Variants in CAMTA1 observed in about 807,000 individuals in gnomAD.
The protein encoded by CAMTA1 is calmodulin-binding transcription activator 1.
In CAMTA1, 27 loss-of-function variants were observed where a neutral mutation model predicts 170.9. That is an observed-to-expected ratio of 0.16 (90% confidence interval 0.12 to 0.22). CAMTA1 has a LOEUF of 0.22. Among genes scored for constraint, CAMTA1 ranks in the 10% least tolerant of loss-of-function variants. The probability of loss-of-function intolerance (pLI) is 1.00; values close to 1 mark genes in which losing one functional copy is unlikely to be tolerated. For synonymous variants in CAMTA1, 833 were observed against 891.5 expected, an observed-to-expected ratio of 0.93 and a Z score of 1.17; for missense variants, 1,619 against 2,217.2, an observed-to-expected ratio of 0.73 and a Z score of 5.42.
At chr1:7,235,183 A>G (rs1663587982) in intron 4 of CAMTA1, among the ~76,000 whole-genome samples, 1 of 152,012 alleles carries the variant, frequency 6.6e-6, no homozygotes, top group Non-Finnish European at 1.5e-5. Flanking sequence ...GCCCTTAGAG[A>G]TGGAATCTAG....
rs565101815 is a variant in CAMTA1 at position 7,213,606 on chromosome 1, A to T, written c.303-35885A>T. Reference sequence around the variant, plus strand: ...AGCAAATATTTTTTTTCTTTTTTTTAAATTTCTTTTTTTTATTATACTTTA... The same window carrying T: ...AGCAAATATTTTTTTTCTTTTTTTTTAATTTCTTTTTTTTATTATACTTTA... On this transcript the variant is annotated intron_variant, in intron 4 of 22. Coordinates refer to ENST00000303635, the MANE Select transcript of CAMTA1 (RefSeq NM_015215.4). Among the ~76,000 whole-genome samples, 17 of 84,362 alleles carry T rather than the reference A, an allele frequency of 2.0e-4. No homozygotes were observed. In the East Asian group the frequency reaches 2.6e-3, roughly 13 times the overall value. The allele number at this position is 84,362 out of a possible 152,430, so 55.3% of individuals were successfully genotyped here.
At chr1:6,810,384 A>C (rs1423003648) in intron 1 of CAMTA1, among the ~76,000 whole-genome samples, 1 of 152,238 alleles carries the variant, frequency 6.6e-6, no homozygotes, top group Admixed American at 6.5e-5. Flanking sequence ...AGCTTGCTTC[A>C]TCAGAGCCAG....
At chr1:7,437,119 G>T (rs969133352) in intron 5 of CAMTA1, among the ~76,000 whole-genome samples, 1 of 152,108 alleles carries the variant, frequency 6.6e-6, no homozygotes, top group Non-Finnish European at 1.5e-5. Flanking sequence ...AGAGGAGGGA[G>T]GCCCAGCAGA....
intron 5 of CAMTA1, among the ~76,000 whole-genome samples, chr1:7,309,739 C>T (rs1470637489): frequency 6.6e-6 from 1 of 151,650 alleles, no homozygotes; most frequent in African/African-American, 2.4e-5. Flanking sequence ...TTAATGGTTG[C>T]TCTATGGGTT....
chr1:7,514,573 G>A (rs542670714), intron 6 of CAMTA1, among the ~76,000 whole-genome samples: 8 of 152,244 alleles, frequency 5.3e-5, no homozygotes, highest in African/African-American at 1.9e-4. Flanking sequence ...AAGGAGAAAA[G>A]AGAGATCCTT....
chr1:7,155,086 A>G (rs1646786005), intron 4 of CAMTA1, among the ~76,000 whole-genome samples: 1 of 152,156 alleles, frequency 6.6e-6, no homozygotes, highest in African/African-American at 2.4e-5. Flanking sequence ...CATCAGTGCC[A>G]GTGAGTGAGA....
intron 5 of CAMTA1, among the ~76,000 whole-genome samples, chr1:7,417,898 C>G (rs2091299870): frequency 6.6e-6 from 1 of 152,152 alleles, no homozygotes; most frequent in Non-Finnish European, 1.5e-5. Flanking sequence ...CCGAGCTGTT[C>G]CTATTTGGCC....
At chr1:7,470,867 C>G (rs74844902) in intron 6 of CAMTA1, among the ~76,000 whole-genome samples, 3,891 of 152,322 alleles carry the variant, frequency 0.026, 93 homozygotes, top group East Asian at 0.098. Flanking sequence ...GGCACGTCTG[C>G]CTATGTTGGC....
intron 5 of CAMTA1, among the ~76,000 whole-genome samples, chr1:7,374,352 G>A (rs1056208232): frequency 1.3e-5 from 2 of 152,242 alleles, no homozygotes; most frequent in African/African-American, 2.4e-5. Context: ...AAGAGTAATA[G>A]CTTCAAACTG....
intron 1 of CAMTA1, among the ~76,000 whole-genome samples, chr1:6,814,907 T>C (rs1207478662): frequency 6.6e-6 from 1 of 152,144 alleles, no homozygotes; most frequent in South Asian, 2.1e-4. Flanking sequence ...TTCCAAAAAC[T>C]CTAATATATG....
intron 6 of CAMTA1, among the ~76,000 whole-genome samples, chr1:7,533,307 ACAGAAGAGAGGGAGGTGGGC>A (rs2094512774): frequency 6.6e-6 from 1 of 152,184 alleles, no homozygotes; most frequent in Non-Finnish European, 1.5e-5. Context: ...CAGGCAGCTG[ACAGAAGAGAGGGAGGTGGGC>A]CAGGGTTACC....
chr1:7,380,435 G>A (rs534415312), intron 5 of CAMTA1, among the ~76,000 whole-genome samples: 5 of 152,270 alleles, frequency 3.3e-5, no homozygotes, highest in East Asian at 1.9e-4. Flanking sequence ...TTAGCCAGGC[G>A]TGGTAGCGCA....
In CAMTA1 at chr1:7,664,418, C is replaced by A; in HGVS notation, c.1871C>A (p.Pro624His). 1.4e-5 allele frequency: 22 copies of A among 1,613,492 alleles called. No homozygotes were observed. The highest frequency in any genetic ancestry group is 1.9e-5 in the Non-Finnish European group (22 of 1,179,946). ...PSFFLQDASKPLPVEQNTHSS... is the reference protein window; with the variant it reads ...PSFFLQDASKHLPVEQNTHSS... ...TTCTTCCTGCAGGACGCCAGCAAAC[C>A]CCTCCCCGTCGAGCAGAACACCCAC... Residue 624 changes from proline to histidine, a missense_variant, in exon 9 of 23, where the codon CCC becomes CAC. This residue lies in a region of CAMTA1 where 731 missense variants were observed against 907.6 expected (regional missense o/e 0.81). Coordinates refer to ENST00000303635, the MANE Select transcript of CAMTA1 (RefSeq NM_015215.4).
chr1:7,464,487 AC>A (rs2093165414), intron 5 of CAMTA1, among the ~76,000 whole-genome samples: 1 of 152,152 alleles, frequency 6.6e-6, no homozygotes, highest in African/African-American at 2.4e-5. Context: ...CTTGGTAATG[AC>A]CTTGTCATAT....
At position 7,463,427 on chromosome 1, in the gene CAMTA1, G is replaced by A. The variant is rs747369830; in HGVS notation, c.439-4403G>A. On this transcript the variant is annotated intron_variant, in intron 5 of 22. Transcript: ENST00000303635. This position sits in a 1 kb window ranked among gnomAD's most constrained non-coding sequence, Gnocchi z 4.7. Reference sequence around the variant, plus strand: ...AACGGAGAGAGAAATAAAGACAGACGGGGAGAGACAGATGGGGGAAATGGG... The same window carrying A: ...AACGGAGAGAGAAATAAAGACAGACAGGGAGAGACAGATGGGGGAAATGGG... 4.0e-5 allele frequency among the ~76,000 whole-genome samples: 6 copies of A among 151,638 alleles called. No individual in the cohort carries two copies. Among genetic ancestry groups the A allele is most frequent in the African/African-American group, 7.3e-5 (3 of 41,258 alleles).
At chr1:7,703,252 T>C (rs770299641) in intron 11 of CAMTA1, among the ~76,000 whole-genome samples, 4 of 146,376 alleles carry the variant, frequency 2.7e-5, no homozygotes, top group Admixed American at 2.0e-4. Context: ...AGGGGAGGAG[T>C]TGCATAGCAA....
chr1:7,388,067 A>C (rs4531311), intron 5 of CAMTA1: 32,172 of 151,918 alleles, frequency 0.21, 3,860 homozygotes, highest in East Asian at 0.53. Context: ...CTTGGGTTCC[A>C]ATCTGAGCCC....
intron 5 of CAMTA1, among the ~76,000 whole-genome samples, chr1:7,386,202 G>A (rs1009167704): frequency 3.3e-5 from 5 of 152,220 alleles, no homozygotes; most frequent in African/African-American, 4.8e-5. Flanking sequence ...AGTTTGTACT[G>A]AACTGGCCAC....
intron 11 of CAMTA1, among the ~76,000 whole-genome samples, chr1:7,713,168 A>C (rs953561713): frequency 6.6e-6 from 1 of 152,176 alleles, no homozygotes; most frequent in African/African-American, 2.4e-5. Context: ...GATGGGAGAG[A>C]GGCAATGATA....
Sources: allele counts gnomAD v4.1 joint callset (sites outside exome capture counted in the v4.1 genomes callset), GRCh38; gene constraint gnomAD v4.1.1; regional missense constraint gnomAD v4.1.1; non-coding constraint Gnocchi (gnomAD v3.1); transcripts MANE v1.5; gene names NCBI Gene and HGNC (gene_info 2026-07-23, HGNC 2026-07-21).